THAP5: variants seen among roughly 807,000 people sequenced by gnomAD.
THAP5 encodes the protein THAP domain containing 5, also known as THAP domain-containing protein 5.
In THAP5, 26 loss-of-function variants were observed where a neutral mutation model predicts 34.0. The ratio of observed to expected loss-of-function variants is 0.77; its 90% CI spans 0.56 to 1.06. The LOEUF (loss-of-function observed/expected upper bound fraction) is 1.06. THAP5 is among the 50% of genes least tolerant of loss of function. THAP5 has a pLI of 0.00. For synonymous variants in THAP5, 125 were observed against 153.0 expected (o/e 0.82, Z 1.35); for missense variants, 394 against 452.8 (o/e 0.87, Z 1.18).
downstream of THAP5, among the ~76,000 whole-genome samples, chr7:108,550,742 G>A (rs1325345672): frequency 6.6e-6 from 1 of 152,094 alleles, no homozygotes; most frequent in South Asian, 2.1e-4. Flanking sequence ...TTGTATGTCC[G>A]AATTTTCTCT....
At chr7:108,544,082 TTTTTCTA>T in the THAP5 span, among the ~76,000 whole-genome samples, 1 of 152,222 alleles carries the variant, frequency 6.6e-6, no homozygotes. Context: ...TGAATAATCT[TTTTTCTA>T]TTAAAGTAAT....
At chr7:108,543,602 C>T in the THAP5 span, among the ~76,000 whole-genome samples, 1 of 152,144 alleles carries the variant, frequency 6.6e-6, no homozygotes, top group African/African-American at 2.4e-5. Flanking sequence ...AAGAGAAAGT[C>T]GTCTTTAAAA....
At chr7:108,558,391 A>G (rs1460860501), downstream of THAP5, among the ~76,000 whole-genome samples, 212 of 120,316 alleles carry the variant, frequency 1.8e-3, 12 homozygotes, top group African/African-American at 4.9e-3. Flanking sequence ...GTATATATAT[A>G]TATATATATA....
At chr7:108,569,051 AG>A (rs2154518199) in intron 1 of THAP5, 1 of 983,012 alleles carries the variant, frequency 1.0e-6, no homozygotes, top group East Asian at 9.5e-5. Context: ...TCCGGGCCTC[AG>A]TTTCCTCAGG....
Position 108,565,043 on chromosome 7 carries a change from G to T in THAP5, c.336C>A (p.Cys112Ter). ...KKNLEDEKEV[C>*]PKAKSEESFV... ...ATGATTCTTCTGACTTGGCTTTTGGGCATACTTCTTTCTCATCTTCCAAGT... is the reference window on the plus strand; with the variant it reads ...ATGATTCTTCTGACTTGGCTTTTGGTCATACTTCTTTCTCATCTTCCAAGT... Residue 112 changes from cysteine (C) to a stop codon, truncating the protein, a stop_gained, in exon 3 of 3, where the codon TGC (cysteine) becomes TGA (stop). Coordinates refer to ENST00000415914, the MANE Select transcript of THAP5 (RefSeq NM_001130475.3). LOFTEE classifies it high-confidence loss of function. 1.9e-6 allele frequency: 3 copies of T among 1,541,822 alleles called. No individual in the cohort carries two copies. Among genetic ancestry groups the T allele is most frequent in the Non-Finnish European group, 2.6e-6 (3 of 1,143,050 alleles).
chr7:108,558,061 A>C (rs1337948965), downstream of THAP5, among the ~76,000 whole-genome samples: 1 of 152,010 alleles, frequency 6.6e-6, no homozygotes, highest in South Asian at 2.1e-4. Context: ...AAACAACCAC[A>C]TCTCGTGGAA....
rs1028901186 is a variant in THAP5 at position 108,562,408 on chromosome 7, C to T, written c.*1783G>A. 1 of 152,156 alleles carries T rather than the reference C, an allele frequency of 6.6e-6. No homozygotes were observed. Among genetic ancestry groups the T allele is most frequent in the African/African-American group, 2.4e-5 (1 of 41,432 alleles). 9.4% of individuals were successfully genotyped at this position (152,156 alleles called of 1,614,324 possible). A position where few individuals can be genotyped will look rare whatever the true frequency, so the allele number is the denominator to read the frequency against. The stretch of plus-strand genomic sequence containing the variant: ...CATCGTCACCTAAGACATTTCTAAT[C>T]TTTTATAATTAGTTGACTCACTTTC... On this transcript the variant is annotated 3_prime_UTR_variant, in exon 3 of 3. Transcript: ENST00000415914.
At chr7:108,567,390 C>T (rs1790507871) in intron 1 of THAP5, among the ~76,000 whole-genome samples, 1 of 152,020 alleles carries the variant, frequency 6.6e-6, no homozygotes, top group Non-Finnish European at 1.5e-5. Context: ...AGGCCTTTTA[C>T]AATAATGCTT....
At chr7:108,544,646 A>G in the THAP5 span, among the ~76,000 whole-genome samples, 7 of 152,070 alleles carry the variant, frequency 4.6e-5, no homozygotes, top group Admixed American at 4.6e-4. Flanking sequence ...TAAATTCTTT[A>G]GTAATTAATT....
Position 108,567,140 on chromosome 7 carries a change from C to G in THAP5, c.81-1118G>C, listed in dbSNP as rs537772077. Among the ~76,000 whole-genome samples, 20 of 152,156 alleles carry G rather than the reference C, an allele frequency of 1.3e-4. No individual in the cohort carries two copies. In the South Asian group the frequency reaches 4.1e-3, roughly 32 times the overall value. On this transcript the variant is annotated intron_variant, in intron 1 of 2. Coordinates refer to ENST00000415914, the MANE Select transcript of THAP5 (RefSeq NM_001130475.3). ...AGTCTGGGTACTCTGTAAGATATAA[C>G]TTTTAATCCTGATATCCTCATACGG...
the THAP5 span, among the ~76,000 whole-genome samples, chr7:108,543,453 C>T: frequency 6.6e-6 from 1 of 152,132 alleles, no homozygotes; most frequent in Admixed American, 6.5e-5. Flanking sequence ...AGGTTCTGCC[C>T]TCTATCTCTT....
chr7:108,566,153 C>G, intron 1 of THAP5, 131 bp from the exon 2 acceptor site: 5 of 676,762 alleles, frequency 7.4e-6, no homozygotes, highest in East Asian at 2.8e-5. Context: ...GGCAACCATC[C>G]CTACCAAATA....
chr7:108,544,776 G>A, the THAP5 span, among the ~76,000 whole-genome samples: 1 of 151,944 alleles, frequency 6.6e-6, no homozygotes, highest in African/African-American at 2.4e-5. Flanking sequence ...TCCTGCCTCA[G>A]CCTCCTGAAT....
At chr7:108,566,911 T>C (rs967723848) in intron 1 of THAP5, among the ~76,000 whole-genome samples, 3 of 152,190 alleles carry the variant, frequency 2.0e-5, no homozygotes, top group African/African-American at 7.2e-5. Flanking sequence ...AAATGGTTTA[T>C]ATTCCATTTG....
Position 108,569,614 on chromosome 7 carries a change from G to C in THAP5, c.-45C>G. On this transcript the variant is annotated 5_prime_UTR_variant, in exon 1 of 3. Transcript: ENST00000415914. ...GAGACCGGGGCCGGCGACGGATGCA[G>C]GGCGGCCCTCCTCACTGAGGATGCG... 1 of 1,547,222 alleles carries C rather than the reference G, an allele frequency of 6.5e-7. No homozygotes were observed. Among genetic ancestry groups the C allele is most frequent in the Non-Finnish European group, 8.7e-7 (1 of 1,146,436 alleles).
intron 1 of THAP5, 102 bp from the exon 2 acceptor site, chr7:108,566,124 G>GT: frequency 1.1e-6 from 1 of 939,114 alleles, no homozygotes; most frequent in Non-Finnish European, 1.5e-6. Context: ...TATGCATCAA[G>GT]TAAGTACTAC....
chr7:108,558,411 A>ATATATATATATG (rs1355319710), downstream of THAP5, among the ~76,000 whole-genome samples: 5 of 138,248 alleles, frequency 3.6e-5, no homozygotes, highest in Non-Finnish European at 7.8e-5. Context: ...ATATATATAT[A>ATATATATATATG]TATTTAGACA....
downstream of THAP5, among the ~76,000 whole-genome samples, chr7:108,552,777 G>A (rs927272006): frequency 4.9e-5 from 7 of 143,554 alleles, no homozygotes; most frequent in African/African-American, 1.8e-4. Context: ...TCCAGCCTGG[G>A]TGAGAGAGCG....
the THAP5 span, among the ~76,000 whole-genome samples, chr7:108,547,688 A>G: frequency 6.6e-6 from 1 of 152,210 alleles, no homozygotes. Flanking sequence ...GCTTTTAGAT[A>G]TGGGACACTT....
Sources: allele counts gnomAD v4.1 joint callset (sites outside exome capture counted in the v4.1 genomes callset), GRCh38; gene constraint gnomAD v4.1.1; transcripts MANE v1.5; gene names NCBI Gene and HGNC (gene_info 2026-07-23, HGNC 2026-07-21).